The following RSPH10B2 variants were observed in gnomAD, a reference collection of about 807,000 sequenced individuals.
The protein encoded by RSPH10B2 is radial spoke head 10 homolog B2.
Under a neutral mutation model 49.0 loss-of-function variants are expected in RSPH10B2, and 9 were observed. That is an observed-to-expected ratio of 0.18 (90% CI 0.11 to 0.32). The LOEUF (loss-of-function observed/expected upper bound fraction) is 0.32. Ranked by LOEUF, RSPH10B2 falls within the 10% of genes least tolerant of loss-of-function variation. RSPH10B2 has a pLI of 1.00. For missense variants in RSPH10B2, 95 were observed against 589.9 expected, an observed-to-expected ratio of 0.16 and a Z score of 8.69; for synonymous variants, 35 against 210.2, an observed-to-expected ratio of 0.17 and a Z score of 7.21.
chr7:6,765,650 CA>C (rs1364241460), intron 4 of RSPH10B2, 55 bp from the exon 7 acceptor site: 1 of 1,218,824 alleles, frequency 8.2e-7, no homozygotes, highest in Admixed American at 2.9e-5. Context: ...TTACATTTGA[CA>C]AAGCATTTGT....
chr7:6,766,945 A>G, intron 6 of RSPH10B2, 68 bp downstream of exon 8: 2 of 1,172,896 alleles, frequency 1.7e-6, no homozygotes, highest in Non-Finnish European at 2.3e-6. Context: ...ACACATGTAT[A>G]TTTCTTTTTG....
chr7:6,791,072 G>A (rs1201463156), intron 16 of RSPH10B2, among the ~76,000 whole-genome samples: 65 of 138,546 alleles, frequency 4.7e-4, no homozygotes, highest in African/African-American at 1.6e-3. Flanking sequence ...TTGGATCTCC[G>A]CTCATTGCAA....
At chr7:6,764,265 A>G in intron 4 of RSPH10B2, among the ~76,000 whole-genome samples, 164 bp downstream of exon 6, 1 of 125,164 alleles carries the variant, frequency 8.0e-6, no homozygotes, top group Admixed American at 8.0e-5. Context: ...GGCCACATGG[A>G]GGGAGAGAAG....
intron 17 of RSPH10B2, among the ~76,000 whole-genome samples, chr7:6,792,606 A>G (rs1345522941): frequency 2.0e-4 from 23 of 115,350 alleles, no homozygotes; most frequent in African/African-American, 6.8e-4. Context: ...CTGATTCCTC[A>G]GCCGTGTCCG....
At chr7:6,793,694 A>G (rs1339340096) in intron 17 of RSPH10B2, among the ~76,000 whole-genome samples, 1 of 140,310 alleles carries the variant, frequency 7.1e-6, no homozygotes, top group Non-Finnish European at 1.5e-5. Context: ...AAATACAAAA[A>G]TTAGCCAGGT....
chr7:6,793,748 G>T (rs1245572206), intron 17 of RSPH10B2, among the ~76,000 whole-genome samples: 1 of 145,548 alleles, frequency 6.9e-6, no homozygotes. Context: ...GGAGGCTGAG[G>T]TGAGAGAACT....
At chr7:6,756,163 A>G (rs540397332), upstream of RSPH10B2, among the ~76,000 whole-genome samples, 62 of 142,688 alleles carry the variant, frequency 4.3e-4, no homozygotes, top group African/African-American at 1.5e-3. Context: ...CCAGCTACTC[A>G]GGAGGCTGAG....
At chr7:6,796,261 C>A in intron 17 of RSPH10B2, among the ~76,000 whole-genome samples, 2 of 118,808 alleles carry the variant, frequency 1.7e-5, no homozygotes, top group Non-Finnish European at 3.6e-5. Context: ...TTGCAGTGAG[C>A]AGAGATCACG....
chr7:6,763,622 A>G (rs1247864664), intron 3 of RSPH10B2, among the ~76,000 whole-genome samples: 4 of 129,880 alleles, frequency 3.1e-5, no homozygotes, highest in Admixed American at 2.4e-4. Context: ...TCCCCAGGTC[A>G]GGATTGGAAG....
At chr7:6,768,011 G>A (rs1781511025) in intron 6 of RSPH10B2, among the ~76,000 whole-genome samples, 4 of 147,984 alleles carry the variant, frequency 2.7e-5, no homozygotes, top group African/African-American at 5.1e-5. Flanking sequence ...GGGTGATATG[G>A]TGAAACCCCA....
chr7:6,796,837 C>G, intron 18 of RSPH10B2, 71 bp downstream of exon 20: 1 of 1,149,922 alleles, frequency 8.7e-7, no homozygotes, highest in Non-Finnish European at 1.1e-6. Flanking sequence ...GCTGCCAGAA[C>G]GCATCAGGAC....
intron 6 of RSPH10B2, among the ~76,000 whole-genome samples, chr7:6,768,295 T>C (rs1481005728): frequency 1.6e-4 from 25 of 152,294 alleles, no homozygotes; most frequent in African/African-American, 6.0e-4. Context: ...TTAGTAGAGA[T>C]GGGGTTTCAA....
In RSPH10B2 at chr7:6,791,308, A is replaced by G. The variant is rs79410489; in HGVS notation, c.2140-596A>G. On this transcript the variant is annotated intron_variant, in intron 16 of 18. Coordinates refer to ENST00000297186, the Ensembl canonical transcript of RSPH10B2. ...TGAGCCACCACGCCTAGCCGGTATC[A>G]TTAATTTTATACAATAAATACTGTA... Among the ~76,000 whole-genome samples, 79 of 125,916 alleles carry G rather than the reference A, an allele frequency of 6.3e-4. 3 individuals are homozygous for G. Among genetic ancestry groups the G allele is most frequent in the East Asian group, 1.9e-3 (6 of 3,136 alleles). 82.6% of individuals were successfully genotyped at this position (125,916 alleles called of 152,430 possible). A position where few individuals can be genotyped will look rare whatever the true frequency, so the allele number is the denominator to read the frequency against.
chr7:6,793,976 G>A (rs867111236), intron 17 of RSPH10B2, among the ~76,000 whole-genome samples: 1 of 145,272 alleles, frequency 6.9e-6, no homozygotes, highest in African/African-American at 2.5e-5. Flanking sequence ...TAGGCATCTT[G>A]GGGGGCTGTG....
intron 17 of RSPH10B2, among the ~76,000 whole-genome samples, chr7:6,793,252 A>G (rs1374431931): frequency 9.1e-6 from 1 of 109,336 alleles, no homozygotes; most frequent in African/African-American, 3.7e-5. Context: ...GGGTCTTGCT[A>G]TGTTGCCCAG....
At chr7:6,783,104 C>T (rs1158358524) in intron 13 of RSPH10B2, among the ~76,000 whole-genome samples, 1 of 111,228 alleles carries the variant, frequency 9.0e-6, no homozygotes, top group Admixed American at 9.7e-5. Flanking sequence ...GGTCTCGGCT[C>T]ACTGCAACCT....
chr7:6,797,355 G>T (rs1316299742), intron 18 of RSPH10B2, among the ~76,000 whole-genome samples: 1 of 150,526 alleles, frequency 6.6e-6, no homozygotes, highest in Non-Finnish European at 1.5e-5. Context: ...GGACTCTTTG[G>T]GGTAATGACT....
At chr7:6,786,711 GTGTGTGTGCA>G (rs1782197127) in intron 14 of RSPH10B2, among the ~76,000 whole-genome samples, 157 bp from the exon 17 acceptor site, 2 of 139,906 alleles carry the variant, frequency 1.4e-5, no homozygotes, top group Non-Finnish European at 1.5e-5. Context: ...GTGTCTGTGC[GTGTGTGTGCA>G]TGTGTGTGTG....
intron 17 of RSPH10B2, chr7:6,794,072 A>G (rs1226802203): frequency 3.1e-5 from 3 of 95,762 alleles, no homozygotes; most frequent in South Asian, 3.3e-4. Flanking sequence ...GGCTGTGTAC[A>G]TACTCACCTT....
Sources: gnomAD v4.1 joint callset for allele counts (sites outside exome capture counted in the v4.1 genomes callset) on GRCh38, gnomAD v4.1.1 for gene constraint, MANE v1.5 for transcripts, NCBI Gene and HGNC (gene_info 2026-07-23, HGNC 2026-07-21) for gene names.